BACE1: variants seen among roughly 807,000 people sequenced by gnomAD.
The protein encoded by BACE1 is APP beta-secretase.
In BACE1, 21 loss-of-function variants were observed where a neutral mutation model predicts 54.0. The observed-to-expected ratio is 0.39, with a 90% CI of 0.28 to 0.56. The LOEUF is 0.56. Among genes scored for constraint, BACE1 ranks in the 20% least tolerant of loss-of-function variants. BACE1 has a pLI of 0.63. For missense variants in BACE1, 511 were observed against 661.2 expected (o/e 0.77, Z 2.49); for synonymous variants, 232 against 260.9 (o/e 0.89, Z 1.07).
intron 1 of BACE1, among the ~76,000 whole-genome samples, chr11:117,305,968 G>A (rs1434644716): frequency 2.0e-5 from 3 of 152,044 alleles, no homozygotes; most frequent in African/African-American, 7.2e-5. Context: ...CCCAGGAGGC[G>A]GAGCTTGCAG....
intron 1 of BACE1, among the ~76,000 whole-genome samples, chr11:117,303,864 T>A (rs750637023): frequency 6.0e-4 from 92 of 152,196 alleles, no homozygotes; most frequent in Non-Finnish European, 8.8e-4. Context: ...TTAGAAGCCT[T>A]CCATTTTACA....
rs2035097623 is a variant in BACE1 at position 117,315,723 on chromosome 11, C to A, written c.73G>T (p.Gly25Cys). 1.3e-6 allele frequency: 2 copies of A among 1,485,094 alleles called. No homozygotes were observed. The highest frequency in any genetic ancestry group is 5.6e-5 in the East Asian group (2 of 35,442). 92.0% of individuals were successfully genotyped at this position (1,485,094 alleles called of 1,614,324 possible). Reference protein sequence around the residue: ...GVLPAHGTQHGIRLPLRSGLG... With the variant: ...GVLPAHGTQHCIRLPLRSGLG... ...CCGCTGCGCAGGGGCAGCCGGATGC[C>A]GTGCTGGGTGCCGTGGGCAGGCAGC... Residue 25 changes from glycine to cysteine, a missense_variant, in exon 1 of 9, where the codon GGC (glycine) becomes TGC (cysteine). Coordinates refer to ENST00000313005, the MANE Select transcript of BACE1 (RefSeq NM_012104.6). The surrounding 1 kb of genome is among the most constrained non-coding windows in gnomAD (Gnocchi z 5.5).
intron 1 of BACE1, among the ~76,000 whole-genome samples, chr11:117,304,941 T>G (rs1393330441): frequency 6.6e-6 from 1 of 151,226 alleles, no homozygotes; most frequent in Non-Finnish European, 1.5e-5. Context: ...TTAATTCCTA[T>G]GACCCTATGG....
In BACE1 at chr11:117,289,052, C is replaced by A; in HGVS notation, c.*514G>T. The A allele has an allele frequency of 6.5e-6, 1 of 153,674 alleles. No homozygotes were observed. The highest frequency in any genetic ancestry group is 6.5e-5 in the Admixed American group (1 of 15,492). 9.5% of individuals were successfully genotyped at this position (153,674 alleles called of 1,614,324 possible). A position where few individuals can be genotyped will look rare whatever the true frequency, so the allele number is the denominator to read the frequency against. ...TTAATTCAAGAGGCAATCTTTGCAC[C>A]AATGTTAGGCTTGTTTATACAGTCC... On this transcript the variant is annotated 3_prime_UTR_variant, in exon 9 of 9. Transcript: ENST00000313005.
rs1286717636 is a variant in BACE1, at chr11:117,315,717, G to C, written c.79C>G (p.Arg27Gly). Residue 27 changes from arginine to glycine, a missense_variant, in exon 1 of 9, where the codon CGG (arginine) becomes GGG (glycine). By Grantham distance (125) the Arg-to-Gly change is moderately radical. This residue lies in a region of BACE1 where 104 missense variants were observed against 95.5 expected (regional missense o/e 1.09). Coordinates refer to ENST00000313005, the MANE Select transcript of BACE1 (RefSeq NM_012104.6). The surrounding 1 kb of genome is among the most constrained non-coding windows in gnomAD (Gnocchi z 5.5). ...LPAHGTQHGIRLPLRSGLGGA... is the reference protein window; with the variant it reads ...LPAHGTQHGIGLPLRSGLGGA... ...CCCAGGCCGCTGCGCAGGGGCAGCCGGATGCCGTGCTGGGTGCCGTGGGCA... is the reference window on the plus strand; with the variant it reads ...CCCAGGCCGCTGCGCAGGGGCAGCCCGATGCCGTGCTGGGTGCCGTGGGCA... The C allele has an allele frequency of 6.7e-7, 1 of 1,491,868 alleles. No homozygotes were observed. The highest frequency in any genetic ancestry group is 1.5e-5 in the African/African-American group (1 of 68,094). 92.4% of individuals were successfully genotyped at this position (1,491,868 alleles called of 1,614,324 possible). A position where few individuals can be genotyped will look rare whatever the true frequency, so the allele number is the denominator to read the frequency against.
chr11:117,291,500 A>T (rs1432952918), intron 6 of BACE1, among the ~76,000 whole-genome samples: 1 of 151,266 alleles, frequency 6.6e-6, no homozygotes, highest in Non-Finnish European at 1.5e-5. Context: ...CTGGTCTTGA[A>T]CTCCTGACCT....
chr11:117,296,116 C>CA (rs1352314403), intron 2 of BACE1, among the ~76,000 whole-genome samples: 1 of 152,186 alleles, frequency 6.6e-6, no homozygotes, highest in Non-Finnish European at 1.5e-5. Flanking sequence ...AGCCTCTACT[C>CA]ACGTTTGCAC....
Position 117,296,904 on chromosome 11 carries a change from G to C in BACE1, c.319C>G (p.Pro107Ala), listed in dbSNP as rs552768527. ...SNFAVGAAPH[P>A]FLHRYYQRQL... ...CTCTGGTAGTAGCGATGCAGGAAGG[G>C]GTGGGGGGCAGCACCCACTGCAAAG... Residue 107 changes from proline (P) to alanine (A), a missense_variant, in exon 2 of 9, where the codon CCC becomes GCC. Transcript: ENST00000313005. The C allele has an allele frequency of 1.2e-6, 2 of 1,613,556 alleles. No individual in the cohort carries two copies. Among genetic ancestry groups the C allele is most frequent in the Non-Finnish European group, 1.7e-6 (2 of 1,179,820 alleles).
chr11:117,312,747 G>C (rs1298612714), intron 1 of BACE1, among the ~76,000 whole-genome samples: 1 of 152,192 alleles, frequency 6.6e-6, no homozygotes, highest in Non-Finnish European at 1.5e-5. Flanking sequence ...ACAGGCGTGA[G>C]CCACCGCGTC....
At chr11:117,297,237 C>T (rs1274415976) in intron 1 of BACE1, 1 of 398,516 alleles carries the variant, frequency 2.5e-6, no homozygotes, top group Non-Finnish European at 4.5e-6. Flanking sequence ...AGTAGAAGAA[C>T]TAATATGCAA....
In BACE1 at chr11:117,289,721, C is replaced by T. The variant is rs145958544; in HGVS notation, c.1351G>A (p.Asp451Asn). 1 of 1,614,228 alleles carries T rather than the reference C, an allele frequency of 6.2e-7. No homozygotes were observed. Among genetic ancestry groups the T allele is most frequent in the African/African-American group, 1.3e-5 (1 of 75,056 alleles). ...GCTATGGTCATGAGGGTTGACTCAT[C>T]TGTCTGTGGAATGTTGTAGCCACAG... is the stretch of plus-strand genomic sequence containing the variant. ...EDCGYNIPQT[D>N]ESTLMTIAYV... Residue 451 changes from aspartate (D) to asparagine (N), a missense_variant, in exon 9 of 9, where the codon GAT becomes AAT. Asp to Asn is a conservative substitution (Grantham distance 23, BLOSUM62 1). Around this residue, in one of 2 missense-constraint regions of BACE1, gnomAD observed 407 missense variants for 565.7 expected, o/e 0.72. Coordinates refer to ENST00000313005, the MANE Select transcript of BACE1 (RefSeq NM_012104.6).
rs758335005 is a variant in BACE1 at position 117,289,737 on chromosome 11, G to A, written c.1335C>T (p.Tyr445=). 6.2e-7 allele frequency: 1 copy of A among 1,613,650 alleles called. No individual in the cohort carries two copies. The highest frequency in any genetic ancestry group is 8.5e-7 in the Non-Finnish European group (1 of 1,180,000). ...TTGACTCATCTGTCTGTGGAATGTT[G>A]TAGCCACAGTCTTCCATGTCCAAGG... ...FVTLDMEDCG[Y]NIPQTDESTL... is the part of the protein sequence containing the mutation. Residue 445 remains tyrosine, a synonymous_variant, in exon 9 of 9, where the codon TAC becomes TAT. Coordinates refer to ENST00000313005, the MANE Select transcript of BACE1 (RefSeq NM_012104.6).
intron 6 of BACE1, 40 bp downstream of exon 6, chr11:117,291,672 A>G: frequency 3.5e-6 from 5 of 1,440,206 alleles, no homozygotes; most frequent in Non-Finnish European, 4.9e-6. Context: ...TCCCTCTGAC[A>G]CTGTACCATC....
chr11:117,290,478 G>C lies in BACE1; in HGVS notation c.1264+10C>G. ...GACTGACCCCAAACCCTCAGCCCTG[G>C]CACTCTCACCATGGCAAGCGCTGAC... On this transcript the variant is annotated intron_variant, in intron 8 of 8. Coordinates refer to ENST00000313005, the MANE Select transcript of BACE1 (RefSeq NM_012104.6). 6.2e-7 allele frequency: 1 copy of C among 1,613,496 alleles called. No homozygotes were observed. Among genetic ancestry groups the C allele is most frequent in the South Asian group, 1.1e-5 (1 of 90,998 alleles).
At position 117,295,326 on chromosome 11, in the gene BACE1, G is replaced by T; in HGVS notation, c.372C>A (p.Leu124=). The T allele has an allele frequency of 6.2e-7, 1 of 1,613,898 alleles. No individual in the cohort carries two copies. The highest frequency in any genetic ancestry group is 2.2e-5 in the East Asian group (1 of 44,884). The part of the protein sequence containing the change: ...QRQLSSTYRD[L]RKGVYVPYTQ... The stretch of plus-strand genomic sequence containing the variant: ...TGTAGGGCACATACACACCCTTCCG[G>T]AGGTCCCGGTATGTGCTGGACCTGT... The change falls in exon 3 of 9, where the codon CTC becomes CTA. Residue 124 remains leucine, a synonymous_variant. Transcript: ENST00000313005.
At position 117,315,257 on chromosome 11, in the gene BACE1, C is replaced by A. The variant is rs1407193514; in HGVS notation, c.261+278G>T. Among the ~76,000 whole-genome samples the A allele has an allele frequency of 1.3e-5, 2 of 152,130 alleles. No homozygotes were observed. The highest frequency in any genetic ancestry group is 3.9e-4 in the East Asian group (2 of 5,186). The stretch of plus-strand genomic sequence containing the variant: ...CGGACCCTTCCTCCAGGTCAGGGTC[C>A]CCAGCTGATGTGTCTGTCTTGCCTC... On this transcript the variant is annotated intron_variant, in intron 1 of 8. Transcript: ENST00000313005. The surrounding 1 kb of genome is among the most constrained non-coding windows in gnomAD (Gnocchi z 5.5).
At chr11:117,307,150 C>T (rs977403714) in intron 1 of BACE1, among the ~76,000 whole-genome samples, 4 of 152,158 alleles carry the variant, frequency 2.6e-5, no homozygotes, top group African/African-American at 9.7e-5. Context: ...CAGGTGCTGT[C>T]GCATCCTGCC....
At chr11:117,305,785 C>T (rs1180028481) in intron 1 of BACE1, among the ~76,000 whole-genome samples, 3 of 152,108 alleles carry the variant, frequency 2.0e-5, no homozygotes, top group Non-Finnish European at 4.4e-5. Flanking sequence ...CCTGTAATCC[C>T]AGCACTTTGG....
rs117405689 is a variant in BACE1 at position 117,294,200 on chromosome 11, G to A, written c.568-192C>T. 119 of 457,356 alleles carry A rather than the reference G, an allele frequency of 2.6e-4. No individual in the cohort carries two copies. In the East Asian group the frequency reaches 4.2e-3, roughly 16 times the overall value. The allele number at this position is 457,356 out of a possible 1,614,324, so 28.3% of individuals were successfully genotyped here. A position where few individuals can be genotyped will look rare whatever the true frequency, so the allele number is the denominator to read the frequency against. The stretch of plus-strand genomic sequence containing the variant: ...CAATGCAAACAGGACAGTATTGATA[G>A]GTTCACAGATTCATAGATCTTTTTT... On this transcript the variant is annotated intron_variant, in intron 3 of 8. Coordinates refer to ENST00000313005, the MANE Select transcript of BACE1 (RefSeq NM_012104.6).
Sources: gnomAD v4.1 joint callset for allele counts (sites outside exome capture counted in the v4.1 genomes callset) on GRCh38, gnomAD v4.1.1 for gene constraint, gnomAD v4.1.1 regional missense constraint, Gnocchi (gnomAD v3.1) non-coding constraint, MANE v1.5 for transcripts, NCBI Gene and HGNC (gene_info 2026-07-23, HGNC 2026-07-21) for gene names.